The following DPP10 variants were observed in gnomAD, a reference collection of about 807,000 sequenced individuals.
The protein encoded by DPP10 is dipeptidyl peptidase like 10.
Under a neutral mutation model 120.9 loss-of-function variants are expected in DPP10, and 33 were observed. The ratio of observed to expected loss-of-function variants is 0.27; its 90% confidence interval spans 0.21 to 0.37. The LOEUF is 0.37. Ranked by LOEUF, DPP10 falls within the 10% of genes least tolerant of loss-of-function variation. The probability of loss-of-function intolerance (pLI) is 1.00; values close to 1 mark genes in which losing one functional copy is unlikely to be tolerated. For missense variants in DPP10, 816 were observed against 942.8 expected, an observed-to-expected ratio of 0.87 and a Z score of 1.76; for synonymous variants, 337 against 326.1, an observed-to-expected ratio of 1.03 and a Z score of -0.36.
intron 1 of DPP10, among the ~76,000 whole-genome samples, chr2:114,964,040 C>A (rs1698834707): frequency 6.6e-6 from 1 of 152,126 alleles, no homozygotes; most frequent in Admixed American, 6.5e-5. Flanking sequence ...TAAGAACCCA[C>A]CCATAGACCT....
intron 2 of DPP10, among the ~76,000 whole-genome samples, chr2:115,318,884 C>T (rs977737627): frequency 6.6e-6 from 1 of 152,022 alleles, no homozygotes; most frequent in African/African-American, 2.4e-5. Context: ...TTCTTCATGT[C>T]CAAATTGACC....
chr2:115,189,823 G>A (rs982231556), intron 1 of DPP10, among the ~76,000 whole-genome samples: 1 of 152,112 alleles, frequency 6.6e-6, no homozygotes, highest in Non-Finnish European at 1.5e-5. Context: ...CTTCTACGCT[G>A]CGAGAGAAGT....
intron 5 of DPP10, among the ~76,000 whole-genome samples, chr2:115,609,636 C>T (rs548332164): frequency 6.6e-6 from 1 of 152,250 alleles, no homozygotes; most frequent in Admixed American, 6.5e-5. Flanking sequence ...ATACCAGACC[C>T]TACTGTGACA....
At chr2:115,171,951 T>A (rs1244336757) in intron 1 of DPP10, among the ~76,000 whole-genome samples, 1 of 152,142 alleles carries the variant, frequency 6.6e-6, no homozygotes, top group African/African-American at 2.4e-5. Flanking sequence ...AACTGTGAAA[T>A]TCACTACTCC....
At chr2:114,497,390 CACATACATAT>C (rs1558814623) in intron 1 of DPP10, among the ~76,000 whole-genome samples, 1 of 125,866 alleles carries the variant, frequency 7.9e-6, no homozygotes, top group African/African-American at 3.5e-5. Context: ...CATATACATA[CACATACATAT>C]ACATATACAC....
At chr2:115,574,833 C>A (rs551956755) in intron 5 of DPP10, among the ~76,000 whole-genome samples, 6 of 152,286 alleles carry the variant, frequency 3.9e-5, no homozygotes, top group Admixed American at 3.3e-4. Flanking sequence ...TCCCCTTGAT[C>A]CATGATTCTC....
chr2:114,555,348 C>T (rs1052771493), intron 1 of DPP10, among the ~76,000 whole-genome samples: 3 of 151,642 alleles, frequency 2.0e-5, no homozygotes, highest in African/African-American at 7.3e-5. Context: ...CAGCAGTGAA[C>T]AAGACTGGCA....
intron 1 of DPP10, among the ~76,000 whole-genome samples, chr2:115,025,829 C>T (rs1051361708): frequency 6.6e-6 from 1 of 151,636 alleles, no homozygotes. Context: ...AGATTTTTTG[C>T]CCATTTTTAA....
intron 5 of DPP10, among the ~76,000 whole-genome samples, chr2:115,678,677 C>T (rs1477521680): frequency 2.0e-5 from 3 of 152,156 alleles, no homozygotes; most frequent in African/African-American, 4.8e-5. Flanking sequence ...GAGAAGAGGG[C>T]CACTGTCCTC....
chr2:115,307,590 C>T (rs934316925), intron 1 of DPP10, among the ~76,000 whole-genome samples: 1 of 152,018 alleles, frequency 6.6e-6, no homozygotes, highest in Non-Finnish European at 1.5e-5. Flanking sequence ...ATGAGTATTT[C>T]CCAACTTTCA....
chr2:115,643,932 G>A (rs1281137250), intron 5 of DPP10, among the ~76,000 whole-genome samples: 1 of 152,098 alleles, frequency 6.6e-6, no homozygotes, highest in Non-Finnish European at 1.5e-5. Context: ...TAAAAATGTT[G>A]AATGTGGTTC....
intron 1 of DPP10, among the ~76,000 whole-genome samples, chr2:115,043,516 G>A (rs1704826243): frequency 1.3e-5 from 2 of 152,168 alleles, no homozygotes; most frequent in African/African-American, 4.8e-5. Flanking sequence ...ATAACTTTCA[G>A]TGGCTGATGC....
At chr2:115,610,233 C>G (rs1266079648) in intron 5 of DPP10, among the ~76,000 whole-genome samples, 1 of 152,072 alleles carries the variant, frequency 6.6e-6, no homozygotes, top group African/African-American at 2.4e-5. Context: ...CTCACCCCCC[C>G]ATGGACCTCA....
At chr2:115,435,852 G>A (rs2071446197) in intron 3 of DPP10, among the ~76,000 whole-genome samples, 2 of 151,802 alleles carry the variant, frequency 1.3e-5, no homozygotes, top group African/African-American at 2.4e-5. Context: ...TACAATCCAC[G>A]TTAAGTTGAT....
rs116512019 is a variant in DPP10 at position 114,798,244 on chromosome 2, G to C, written c.60+355406G>C. 4.3e-3 allele frequency among the ~76,000 whole-genome samples: 654 copies of C among 152,108 alleles called. 7 individuals carry two copies. The highest frequency in any genetic ancestry group is 0.015 in the African/African-American group (631 of 41,482). On this transcript the variant is annotated intron_variant, in intron 1 of 25. Transcript: ENST00000410059. ...TCATGGAAAAATTAGTGAAATATGAGGAACACCTGAAGTTTAAAGTAATGG... is the reference window on the plus strand; with the variant it reads ...TCATGGAAAAATTAGTGAAATATGACGAACACCTGAAGTTTAAAGTAATGG...
intron 1 of DPP10, among the ~76,000 whole-genome samples, chr2:114,890,573 A>G (rs1177724121): frequency 1.3e-5 from 2 of 152,212 alleles, no homozygotes; most frequent in East Asian, 1.9e-4. Flanking sequence ...ATAAAAATAG[A>G]CTAGAATTAG....
intron 1 of DPP10, among the ~76,000 whole-genome samples, chr2:115,213,209 C>T (rs903000965): frequency 3.3e-5 from 5 of 152,120 alleles, no homozygotes; most frequent in Admixed American, 2.6e-4. Flanking sequence ...GGATATCTTG[C>T]ATTTTTACTT....
In DPP10 at chr2:115,643,510, G is replaced by A. The variant is rs548811914; in HGVS notation, c.442-46177G>A. Among the ~76,000 whole-genome samples the A allele has an allele frequency of 3.3e-5, 5 of 152,230 alleles. No individual in the cohort carries two copies. In the South Asian group the frequency reaches 1.0e-3, roughly 32 times the overall value. Reference sequence around the variant, plus strand: ...AAATGGTGATTAAAGAGGAGCCCACGATATAATAGATTAAAACAAAAGGTT... The same window carrying A: ...AAATGGTGATTAAAGAGGAGCCCACAATATAATAGATTAAAACAAAAGGTT... On this transcript the variant is annotated intron_variant, in intron 5 of 25. Transcript: ENST00000410059.
intron 1 of DPP10, among the ~76,000 whole-genome samples, chr2:115,260,023 A>G (rs1339296950): frequency 6.6e-6 from 1 of 151,476 alleles, no homozygotes; most frequent in East Asian, 1.9e-4. Flanking sequence ...ATGTTTAAAA[A>G]CTAATAAATT....
Sources: gnomAD v4.1 joint callset for allele counts (sites outside exome capture counted in the v4.1 genomes callset) on GRCh38, gnomAD v4.1.1 for gene constraint, MANE v1.5 for transcripts, NCBI Gene and HGNC (gene_info 2026-07-23, HGNC 2026-07-21) for gene names.